CALCRL: variants seen among roughly 807,000 people sequenced by gnomAD.
CALCRL encodes calcitonin gene-related peptide type 1 receptor.
In CALCRL, 27 loss-of-function variants were observed where a neutral mutation model predicts 60.4. That is an observed-to-expected ratio of 0.45 (90% CI 0.33 to 0.62). The LOEUF is 0.62. Among genes scored for constraint, CALCRL ranks in the 20% least tolerant of loss-of-function variants. The pLI is 0.03. For missense variants in CALCRL, 424 were observed against 540.7 expected, an observed-to-expected ratio of 0.78 and a Z score of 2.14; for synonymous variants, 190 against 182.6, an observed-to-expected ratio of 1.04 and a Z score of -0.33.
intron 4 of CALCRL, among the ~76,000 whole-genome samples, chr2:187,383,990 G>A (rs145043587): frequency 4.7e-3 from 438 of 93,634 alleles, no homozygotes; most frequent in African/African-American, 0.016. Context: ...TATGAAGCCC[G>A]AATAGACCTC....
chr2:187,358,978 A>G, intron 12 of CALCRL, 85 bp downstream of exon 12: 3 of 1,046,634 alleles, frequency 2.9e-6, no homozygotes. Flanking sequence ...GTCCACTGGG[A>G]CCCTGAAGGA....
chr2:187,447,291 G>A (rs2105920257), intron 1 of CALCRL, among the ~76,000 whole-genome samples: 1 of 151,886 alleles, frequency 6.6e-6, no homozygotes, highest in South Asian at 2.1e-4. Flanking sequence ...TTGCAGAGGG[G>A]AACCAGTCAA....
At chr2:187,349,103 G>A (rs552640664) in intron 14 of CALCRL, among the ~76,000 whole-genome samples, 1 of 151,502 alleles carries the variant, frequency 6.6e-6, no homozygotes, top group East Asian at 1.9e-4. Context: ...AAAGAATTTG[G>A]GTTTAATTGT....
chr2:187,444,099 G>T (rs537305301), intron 1 of CALCRL, among the ~76,000 whole-genome samples: 2 of 151,610 alleles, frequency 1.3e-5, no homozygotes, highest in Non-Finnish European at 3.0e-5. Context: ...GTAAATCATT[G>T]CAATTTAACA....
intron 1 of CALCRL, among the ~76,000 whole-genome samples, chr2:187,395,552 T>C (rs1236840927): frequency 1.3e-5 from 2 of 152,102 alleles, no homozygotes; most frequent in South Asian, 2.1e-4. Flanking sequence ...AGAAAACTTC[T>C]TCTAGAAATT....
At chr2:187,390,760 T>C (rs1423830533) in intron 1 of CALCRL, among the ~76,000 whole-genome samples, 3 of 152,188 alleles carry the variant, frequency 2.0e-5, no homozygotes, top group South Asian at 2.1e-4. Flanking sequence ...TATTTTTCAC[T>C]GTGTAAACTT....
At position 187,448,040 on chromosome 2, in the gene CALCRL, C is replaced by T. The variant is rs2105921533; in HGVS notation, c.-294G>A. ...TATTTATTTTGAATGTGCACTTACC[C>T]AGTCCAGCTCTTAAGGAAATTCTTT... On this transcript the variant is annotated splice_region_variant and 5_prime_UTR_variant, in exon 1 of 15. Transcript: ENST00000392370. The T allele has an allele frequency of 6.6e-6, 1 of 152,160 alleles. No individual in the cohort carries two copies. Among genetic ancestry groups the T allele is most frequent in the Admixed American group, 6.6e-5 (1 of 15,252 alleles). The allele number at this position is 152,160 out of a possible 1,614,324, so 9.4% of individuals were successfully genotyped here. A position where few individuals can be genotyped will look rare whatever the true frequency, so the allele number is the denominator to read the frequency against.
intron 7 of CALCRL, 138 bp from the exon 8 acceptor site, chr2:187,379,169 A>G: frequency 2.0e-6 from 1 of 508,154 alleles, no homozygotes; most frequent in East Asian, 2.9e-5. Context: ...TACAATGATG[A>G]GTTTACAAAC....
chr2:187,394,102 T>G (rs553629687), intron 1 of CALCRL, among the ~76,000 whole-genome samples: 124 of 152,150 alleles, frequency 8.1e-4, no homozygotes, highest in Admixed American at 1.6e-3. Context: ...GTCAAAGAGA[T>G]GCAGCACAAG....
chr2:187,409,228 T>C (rs1355895315), intron 1 of CALCRL, among the ~76,000 whole-genome samples: 5 of 152,202 alleles, frequency 3.3e-5, no homozygotes, highest in Non-Finnish European at 1.5e-5. Flanking sequence ...GGTCAGCCTT[T>C]CAAATATATT....
intron 1 of CALCRL, among the ~76,000 whole-genome samples, chr2:187,422,906 A>G (rs1361127509): frequency 2.0e-5 from 3 of 152,022 alleles, no homozygotes; most frequent in Non-Finnish European, 4.4e-5. Flanking sequence ...AAAAGATAAA[A>G]GGATCTTTGT....
intron 1 of CALCRL, among the ~76,000 whole-genome samples, chr2:187,420,724 A>G (rs990850216): frequency 6.6e-6 from 1 of 152,194 alleles, no homozygotes; most frequent in Admixed American, 6.5e-5. Context: ...GGTGTAGGGA[A>G]CACTAGGTTC....
intron 1 of CALCRL, among the ~76,000 whole-genome samples, chr2:187,416,555 C>T (rs1044464855): frequency 1.3e-5 from 2 of 151,976 alleles, no homozygotes; most frequent in African/African-American, 2.4e-5. Context: ...AGAAATAAGA[C>T]ATTAAAAGGC....
chr2:187,426,694 T>G (rs919250880), intron 1 of CALCRL, among the ~76,000 whole-genome samples: 1 of 152,054 alleles, frequency 6.6e-6, no homozygotes, highest in South Asian at 2.1e-4. Context: ...ATGATCACCT[T>G]ACAACAATCA....
intron 1 of CALCRL, among the ~76,000 whole-genome samples, chr2:187,407,003 C>T (rs1254332801): frequency 5.9e-5 from 9 of 151,916 alleles, no homozygotes; most frequent in East Asian, 1.9e-4. Flanking sequence ...TCTTTAGTTT[C>T]GCTCCACCTT....
At chr2:187,366,534 C>T (rs1373146450) in intron 8 of CALCRL, among the ~76,000 whole-genome samples, 1 of 151,806 alleles carries the variant, frequency 6.6e-6, no homozygotes, top group Non-Finnish European at 1.5e-5. Context: ...TAAATATGCA[C>T]AGTTATTTCA....
At chr2:187,406,055 A>C (rs1190887227) in intron 1 of CALCRL, among the ~76,000 whole-genome samples, 2 of 151,392 alleles carry the variant, frequency 1.3e-5, no homozygotes, top group Non-Finnish European at 1.5e-5. Context: ...TGTTAATATA[A>C]AATAGTACCA....
intron 1 of CALCRL, chr2:187,415,854 G>T: frequency 2.8e-6 from 1 of 351,008 alleles, no homozygotes; most frequent in Admixed American, 4.2e-5. Flanking sequence ...TAAGACCCCT[G>T]CACCACCAGC....
intron 1 of CALCRL, chr2:187,436,665 T>C (rs1411223370): frequency 1.3e-5 from 2 of 152,254 alleles, no homozygotes; most frequent in African/African-American, 4.8e-5. Flanking sequence ...ACCTGGAAGA[T>C]ATTTGCATGT....
Sources: allele counts gnomAD v4.1 joint callset (sites outside exome capture counted in the v4.1 genomes callset), GRCh38; gene constraint gnomAD v4.1.1; transcripts MANE v1.5; gene names NCBI Gene and HGNC (gene_info 2026-07-23, HGNC 2026-07-21).